The following ROR2 variants were observed in gnomAD, a reference collection of about 807,000 sequenced individuals.
The protein encoded by ROR2 is ROR family WNT receptor 2.
ROR2 carries 33 observed loss-of-function variants against 74.9 expected under a neutral mutation model. The ratio of observed to expected loss-of-function variants is 0.44; its 90% CI spans 0.33 to 0.59. ROR2 has a LOEUF of 0.59. Among genes scored for constraint, ROR2 ranks in the 20% least tolerant of loss-of-function variants. The pLI is 0.02. For missense variants in ROR2, 1,216 were observed against 1,313.8 expected, an observed-to-expected ratio of 0.93 and a Z score of 1.15; for synonymous variants, 586 against 558.7, an observed-to-expected ratio of 1.05 and a Z score of -0.69.
At chr9:91,794,562 A>G (rs1827108367) in intron 1 of ROR2, among the ~76,000 whole-genome samples, 1 of 152,200 alleles carries the variant, frequency 6.6e-6, no homozygotes, top group Non-Finnish European at 1.5e-5. Context: ...TAAGTATTTT[A>G]GCACATTTAG....
At chr9:91,942,919 A>T (rs991020758) in intron 1 of ROR2, among the ~76,000 whole-genome samples, 1 of 152,170 alleles carries the variant, frequency 6.6e-6, no homozygotes, top group Non-Finnish European at 1.5e-5. Flanking sequence ...GTGGGAGAAT[A>T]CATTTCTGGT....
At chr9:91,909,834 TTAG>T (rs1458526871) in intron 1 of ROR2, among the ~76,000 whole-genome samples, 48 of 117,662 alleles carry the variant, frequency 4.1e-4, no homozygotes, top group Middle Eastern at 3.9e-3. Context: ...TTTTTTTTTT[TTAG>T]GTTTGTTTTG....
intron 4 of ROR2, among the ~76,000 whole-genome samples, chr9:91,744,519 C>G (rs1459749514): frequency 6.6e-6 from 1 of 152,028 alleles, no homozygotes; most frequent in African/African-American, 2.4e-5. Context: ...GCCACCACGC[C>G]CAGCTGAAGC....
chr9:91,782,504 G>C (rs1564273060), intron 1 of ROR2, among the ~76,000 whole-genome samples: 1 of 150,580 alleles, frequency 6.6e-6, no homozygotes, highest in Non-Finnish European at 1.5e-5. Context: ...CAATCTTTTG[G>C]CTTCCCTGGG....
In ROR2 at chr9:91,905,114, C is replaced by T. The variant is rs151069784; in HGVS notation, c.97+44753G>A. ...ATACACAAAACTCATACACCACAAA[C>T]CACATATCACACACACACCCCCCAC... On this transcript the variant is annotated intron_variant, in intron 1 of 8. Transcript: ENST00000375708. The surrounding 1 kb of genome is among the most constrained non-coding windows in gnomAD (Gnocchi z 5.3). 1.3e-5 allele frequency among the ~76,000 whole-genome samples: 2 copies of T among 151,602 alleles called. No individual in the cohort carries two copies. Among genetic ancestry groups the T allele is most frequent in the Non-Finnish European group, 2.9e-5 (2 of 67,848 alleles).
intron 1 of ROR2, among the ~76,000 whole-genome samples, chr9:91,812,570 C>A (rs187875726): frequency 3.1e-4 from 46 of 147,786 alleles, no homozygotes; most frequent in African/African-American, 7.2e-4. Flanking sequence ...CCCACCCCCC[C>A]CACACACACG....
intron 1 of ROR2, among the ~76,000 whole-genome samples, chr9:91,779,591 G>A (rs1478265714): frequency 3.9e-5 from 6 of 151,982 alleles, no homozygotes; most frequent in East Asian, 3.9e-4. Flanking sequence ...GGCTGGTCTC[G>A]AACTCCTGAC....
chr9:91,880,325 T>C (rs901226998), intron 1 of ROR2, among the ~76,000 whole-genome samples: 1 of 152,302 alleles, frequency 6.6e-6, no homozygotes, highest in Non-Finnish European at 1.5e-5. Context: ...TAAATTTCCA[T>C]TGTATAAGCC....
intron 4 of ROR2, among the ~76,000 whole-genome samples, chr9:91,740,138 A>G (rs1166682657): frequency 6.6e-6 from 1 of 152,176 alleles, no homozygotes; most frequent in Non-Finnish European, 1.5e-5. Context: ...AGGTGCCCAC[A>G]GGACAGAGAG....
intron 1 of ROR2, among the ~76,000 whole-genome samples, chr9:91,862,418 G>C (rs950361553): frequency 1.3e-5 from 2 of 152,104 alleles, no homozygotes; most frequent in East Asian, 3.8e-4. Context: ...AGCACTTTGA[G>C]GGACCAAGGC....
intron 4 of ROR2, among the ~76,000 whole-genome samples, chr9:91,746,066 G>T (rs1564247324): frequency 6.7e-6 from 1 of 148,868 alleles, no homozygotes; most frequent in East Asian, 1.9e-4. Context: ...TGGTTTTTTT[G>T]TTTGTTTATT....
At chr9:91,866,365 G>A (rs1337536819) in intron 1 of ROR2, among the ~76,000 whole-genome samples, 2 of 149,558 alleles carry the variant, frequency 1.3e-5, no homozygotes, top group South Asian at 2.1e-4. Context: ...TTATCTGCCC[G>A]CCTCGGCCTC....
At position 91,723,490 on chromosome 9, in the gene ROR2, T is replaced by G. The variant is rs1587651178; in HGVS notation, c.*172A>C. On this transcript the variant is annotated 3_prime_UTR_variant, in exon 9 of 9. Coordinates refer to ENST00000375708, the MANE Select transcript of ROR2 (RefSeq NM_004560.4). ...TGGGTGCTCCTAGGCAGGGCAGCTC[T>G]CTGTGTCAGAGGACAGAGAGGAGCA... The G allele has an allele frequency of 2.8e-6, 1 of 363,134 alleles. No individual in the cohort carries two copies. The highest frequency in any genetic ancestry group is 4.1e-6 in the Non-Finnish European group (1 of 244,050). 22.5% of individuals were successfully genotyped at this position (363,134 alleles called of 1,614,324 possible).
chr9:91,746,857 GGTGTGTGTGTGTGT>G (rs57891940), intron 4 of ROR2, among the ~76,000 whole-genome samples: 12 of 150,028 alleles, frequency 8.0e-5, no homozygotes, highest in Middle Eastern at 3.5e-3. Flanking sequence ...TCCTTGAGCA[GGTGTGTGTGTGTGT>G]GTGTGTGTGT....
At chr9:91,760,982 G>A (rs1325904656) in intron 2 of ROR2, among the ~76,000 whole-genome samples, 2 of 152,124 alleles carry the variant, frequency 1.3e-5, no homozygotes, top group Admixed American at 6.5e-5. Context: ...GGTTTATAGG[G>A]AAACTATTAG....
At chr9:91,830,124 G>A (rs778683919) in intron 1 of ROR2, among the ~76,000 whole-genome samples, 8 of 152,118 alleles carry the variant, frequency 5.3e-5, no homozygotes, top group Non-Finnish European at 8.8e-5. Flanking sequence ...CAGTCAACTT[G>A]AGTTTTTCCT....
chr9:91,803,852 T>A (rs775527918), intron 1 of ROR2, among the ~76,000 whole-genome samples: 1 of 152,260 alleles, frequency 6.6e-6, no homozygotes, highest in Non-Finnish European at 1.5e-5. Context: ...TTGCTTTGAC[T>A]GTGCAAGTCC....
At position 91,723,914 on chromosome 9, in the gene ROR2, G is replaced by C; in HGVS notation, c.2580C>G (p.Ser860Arg). The C allele has an allele frequency of 6.2e-7, 1 of 1,613,944 alleles. No homozygotes were observed. Among genetic ancestry groups the C allele is most frequent in the African/African-American group, 1.3e-5 (1 of 75,074 alleles). ...QVPPQMVPKPSSHHSGSGSTS... is the reference protein window; with the variant it reads ...QVPPQMVPKPRSHHSGSGSTS... ...TGGAGCCACTGCCACTGTGGTGTGA[G>C]CTGGGCTTGGGGACCATCTGAGGAG... The change falls in exon 9 of 9, where the codon AGC becomes AGG. Residue 860 changes from serine (S) to arginine (R), a missense_variant. Coordinates refer to ENST00000375708, the MANE Select transcript of ROR2 (RefSeq NM_004560.4).
intron 6 of ROR2, among the ~76,000 whole-genome samples, chr9:91,732,700 GTC>G (rs1436239463): frequency 6.6e-6 from 1 of 152,232 alleles, no homozygotes; most frequent in Non-Finnish European, 1.5e-5. Context: ...GGAGTTGAGA[GTC>G]TGCATTTTCG....
Sources: allele counts gnomAD v4.1 joint callset (sites outside exome capture counted in the v4.1 genomes callset), GRCh38; gene constraint gnomAD v4.1.1; non-coding constraint Gnocchi (gnomAD v3.1); transcripts MANE v1.5; gene names NCBI Gene and HGNC (gene_info 2026-07-23, HGNC 2026-07-21).